Variants in ZNF609 observed in about 807,000 individuals in gnomAD.
The protein encoded by ZNF609 is zinc finger protein 609.
In ZNF609, 11 loss-of-function variants were observed where a neutral mutation model predicts 109.5. That is an observed-to-expected ratio of 0.10 (90% confidence interval 0.06 to 0.17). The LOEUF (loss-of-function observed/expected upper bound fraction) is 0.17. Ranked by LOEUF, ZNF609 falls within the 10% of genes least tolerant of loss-of-function variation. The pLI is 1.00. For missense variants in ZNF609, 1,559 were observed against 1,772.4 expected (o/e 0.88, Z 2.16); for synonymous variants, 646 against 662.0 (o/e 0.98, Z 0.37).
At chr15:64,587,660 G>A (rs552655558) in intron 2 of ZNF609, among the ~76,000 whole-genome samples, 4 of 152,234 alleles carry the variant, frequency 2.6e-5, no homozygotes, top group Middle Eastern at 6.8e-3. Context: ...GGTATAGAGT[G>A]TTGAAGGAGA....
intron 1 of ZNF609, among the ~76,000 whole-genome samples, chr15:64,488,711 AAATG>A: frequency 6.6e-6 from 1 of 152,342 alleles, no homozygotes; most frequent in East Asian, 1.9e-4. Context: ...AGAATATAAA[AAATG>A]AAGGCAATTC....
At chr15:64,616,828 T>TTTTTTTG (rs1895806380) in intron 2 of ZNF609, among the ~76,000 whole-genome samples, 1 of 129,006 alleles carries the variant, frequency 7.8e-6, no homozygotes, top group African/African-American at 3.0e-5. Flanking sequence ...TTTTTTTTTT[T>TTTTTTTG]TTTTTTTTTG....
At position 64,680,275 on chromosome 15, in the gene ZNF609, G is replaced by C; in HGVS notation, c.3860G>C (p.Ser1287Thr). 6.2e-7 allele frequency: 1 copy of C among 1,614,202 alleles called. No individual in the cohort carries two copies. The highest frequency in any genetic ancestry group is 8.5e-7 in the Non-Finnish European group (1 of 1,180,044). Reference sequence around the variant, plus strand: ...GCTGACAAGGCACGAGCCAGCCCCAGTGTGACTTGTAAATCCAGCTCAGAG... The same window carrying C: ...GCTGACAAGGCACGAGCCAGCCCCACTGTGACTTGTAAATCCAGCTCAGAG... ...EDADKARASP[S>T]VTCKSSSESK... Residue 1287 changes from serine to threonine, a missense_variant, in exon 7 of 10, where the codon AGT becomes ACT. By Grantham distance (58) the Ser-to-Thr change is moderately conservative. Around this residue, in one of 4 missense-constraint regions of ZNF609, gnomAD observed 1,204 missense variants for 1,314.1 expected, o/e 0.92. Transcript: ENST00000326648.
At chr15:64,531,512 C>T (rs915760058) in intron 2 of ZNF609, among the ~76,000 whole-genome samples, 2 of 152,110 alleles carry the variant, frequency 1.3e-5, no homozygotes, top group Non-Finnish European at 2.9e-5. Flanking sequence ...ATCCTTCCAC[C>T]TCAGCCTACC....
At chr15:64,581,116 C>A (rs1213244928) in intron 2 of ZNF609, among the ~76,000 whole-genome samples, 1 of 151,960 alleles carries the variant, frequency 6.6e-6, no homozygotes, top group African/African-American at 2.4e-5. Flanking sequence ...ACCTTGAACT[C>A]CTGGCCTCAA....
chr15:64,507,940 G>T (rs539608161), intron 2 of ZNF609, among the ~76,000 whole-genome samples: 1 of 152,158 alleles, frequency 6.6e-6, no homozygotes, highest in Non-Finnish European at 1.5e-5. Context: ...ACCCACAGAA[G>T]AACCTTTCCT....
At chr15:64,530,743 G>A (rs762327772) in intron 2 of ZNF609, among the ~76,000 whole-genome samples, 1 of 152,206 alleles carries the variant, frequency 6.6e-6, no homozygotes, top group Non-Finnish European at 1.5e-5. Context: ...GAGGTCTTCA[G>A]TATAATATTC....
intron 3 of ZNF609, among the ~76,000 whole-genome samples, chr15:64,641,164 T>C (rs1377538573): frequency 1.3e-5 from 2 of 151,478 alleles, no homozygotes; most frequent in Non-Finnish European, 2.9e-5. Flanking sequence ...GAGAAAATAC[T>C]ATGGTCATGT....
chr15:64,507,245 G>GA (rs1567000440), intron 2 of ZNF609, among the ~76,000 whole-genome samples: 2 of 152,182 alleles, frequency 1.3e-5, no homozygotes, highest in African/African-American at 2.4e-5. Context: ...AGACTGCATG[G>GA]AAAAAATCTA....
chr15:64,523,093 A>G (rs997110235), intron 2 of ZNF609, among the ~76,000 whole-genome samples: 2 of 152,120 alleles, frequency 1.3e-5, no homozygotes, highest in Non-Finnish European at 2.9e-5. Context: ...GTCTAAGAGT[A>G]CTCTTTGACA....
chr15:64,642,786 C>T (rs1896282224), intron 3 of ZNF609, among the ~76,000 whole-genome samples: 2 of 151,990 alleles, frequency 1.3e-5, no homozygotes, highest in Non-Finnish European at 2.9e-5. Context: ...AGAGCAAGAC[C>T]CTGTCTCAAA....
rs57690590 is a variant in ZNF609 at position 64,580,955 on chromosome 15, CTTTTTTTTTTTTTT to C, written c.748-41857_748-41844del. On this transcript the variant is annotated intron_variant, in intron 2 of 9. Transcript: ENST00000326648. ...TCTGTTTTCTAGTCTTCAATGTCTT[CTTTTTTTTTTTTTT>C]TTTTTTTTTTTTTTGAGACAGTCTC... Among the ~76,000 whole-genome samples the C allele has an allele frequency of 1.0e-3, 59 of 58,748 alleles. 2 individuals carry two copies. In the Admixed American group the frequency reaches 0.01, roughly 10 times the overall value. The allele number at this position is 58,748 out of a possible 152,430, so 38.5% of individuals were successfully genotyped here.
chr15:64,488,965 G>A (rs2140342698), intron 1 of ZNF609, among the ~76,000 whole-genome samples: 1 of 151,774 alleles, frequency 6.6e-6, no homozygotes, highest in Non-Finnish European at 1.5e-5. Flanking sequence ...GGGTATGGTG[G>A]TGGTGCATGC....
intron 3 of ZNF609, among the ~76,000 whole-genome samples, chr15:64,625,045 A>G (rs1345378783): frequency 6.6e-6 from 1 of 152,116 alleles, no homozygotes; most frequent in East Asian, 1.9e-4. Context: ...GGTGTGAGCT[A>G]CCACACCCAG....
At chr15:64,579,712 A>AG (rs201418125) in intron 2 of ZNF609, among the ~76,000 whole-genome samples, 2 of 150,912 alleles carry the variant, frequency 1.3e-5, no homozygotes, top group Non-Finnish European at 3.0e-5. Context: ...AAACAAACAA[A>AG]AAAAAAAAAC....
At chr15:64,676,732 C>A (rs1896815365) in intron 5 of ZNF609, among the ~76,000 whole-genome samples, 2 of 151,388 alleles carry the variant, frequency 1.3e-5, no homozygotes, top group Non-Finnish European at 2.9e-5. Flanking sequence ...CTGCACCCAG[C>A]CAATTTTTAT....
At chr15:64,608,058 C>T (rs1895642659) in intron 2 of ZNF609, among the ~76,000 whole-genome samples, 1 of 151,328 alleles carries the variant, frequency 6.6e-6, no homozygotes, top group Admixed American at 6.6e-5. Flanking sequence ...GCCAACATGC[C>T]CGGCTAATTT....
chr15:64,523,291 TC>T (rs1180138742), intron 2 of ZNF609, among the ~76,000 whole-genome samples: 2 of 152,206 alleles, frequency 1.3e-5, no homozygotes, highest in East Asian at 1.9e-4. Flanking sequence ...TAATATGGAC[TC>T]CCTTGCATAA....
intron 3 of ZNF609, among the ~76,000 whole-genome samples, chr15:64,665,891 A>T (rs1896638824): frequency 6.6e-6 from 1 of 151,358 alleles, no homozygotes; most frequent in Non-Finnish European, 1.5e-5. Flanking sequence ...AGGCAACAAG[A>T]GCAAAACTCC....
Sources: gnomAD v4.1 joint callset for allele counts (sites outside exome capture counted in the v4.1 genomes callset) on GRCh38, gnomAD v4.1.1 for gene constraint, gnomAD v4.1.1 regional missense constraint, MANE v1.5 for transcripts, NCBI Gene and HGNC (gene_info 2026-07-23, HGNC 2026-07-21) for gene names.